PLXNA2: variants seen among roughly 807,000 people sequenced by gnomAD.
PLXNA2 encodes plexin A2.
PLXNA2 carries 91 observed loss-of-function variants against 193.5 expected under a neutral mutation model. That is an observed-to-expected ratio of 0.47 (90% confidence interval 0.40 to 0.56). PLXNA2 has a LOEUF of 0.56. PLXNA2 is among the 20% of genes least tolerant of loss of function. The pLI is 0.00. For missense variants in PLXNA2, 1,995 were observed against 2,503.2 expected (o/e 0.80, Z 4.33); for synonymous variants, 997 against 1,027.3 (o/e 0.97, Z 0.56).
At chr1:208,053,022 C>G (rs1042722617) in intron 14 of PLXNA2, among the ~76,000 whole-genome samples, 1 of 152,184 alleles carries the variant, frequency 6.6e-6, no homozygotes, top group African/African-American at 2.4e-5. Flanking sequence ...AGGAGGATGG[C>G]GCATCACTGG....
chr1:208,222,481 T>C (rs998325512), intron 1 of PLXNA2, among the ~76,000 whole-genome samples: 4 of 152,260 alleles, frequency 2.6e-5, no homozygotes, highest in Middle Eastern at 3.4e-3. Flanking sequence ...CGCTTGCCTC[T>C]TTGGGAAGCA....
chr1:208,060,091 A>AC (rs1236806637), intron 13 of PLXNA2, among the ~76,000 whole-genome samples: 1 of 151,242 alleles, frequency 6.6e-6, no homozygotes, highest in African/African-American at 2.4e-5. Flanking sequence ...CCATCCTCTG[A>AC]CCCCCAGCTT....
intron 26 of PLXNA2, among the ~76,000 whole-genome samples, chr1:208,037,205 T>C (rs530438328): frequency 6.6e-6 from 1 of 151,744 alleles, no homozygotes; most frequent in Non-Finnish European, 1.5e-5. Context: ...CACCAAGGAG[T>C]GGGGAAGCAG....
chr1:208,192,904 G>GAAAA (rs928464634), intron 3 of PLXNA2, among the ~76,000 whole-genome samples: 4 of 23,332 alleles, frequency 1.7e-4, no homozygotes, highest in African/African-American at 5.2e-4. Context: ...AAAAGAAAAA[G>GAAAA]AAAAAAAAAA....
rs1183222212 is a variant in PLXNA2 at position 208,142,468 on chromosome 1, A to G, written c.1372-5T>C. 5.6e-6 allele frequency: 9 copies of G among 1,601,170 alleles called. No individual in the cohort carries two copies. Among genetic ancestry groups the G allele is most frequent in the South Asian group, 2.3e-5 (2 of 88,844 alleles). ...GGGGGGACCGTCGGCCCGAATCTGT[A>G]TGAGAAACAAGGGTGTCCTCAGCAT... On this transcript the variant is annotated splice_region_variant and splice_polypyrimidine_tract_variant and intron_variant, in intron 3 of 31. Coordinates refer to ENST00000367033, the MANE Select transcript of PLXNA2 (RefSeq NM_025179.4).
At chr1:208,137,124 A>T (rs759109542) in intron 4 of PLXNA2, among the ~76,000 whole-genome samples, 38 of 152,128 alleles carry the variant, frequency 2.5e-4, no homozygotes, top group African/African-American at 8.7e-4. Flanking sequence ...CTTGAAGTAG[A>T]GAACAGAATC....
chr1:208,166,166 GA>G (rs1328210812), intron 3 of PLXNA2, among the ~76,000 whole-genome samples: 1 of 152,080 alleles, frequency 6.6e-6, no homozygotes, highest in Non-Finnish European at 1.5e-5. Flanking sequence ...GTGAGATTTT[GA>G]AAAAGGGAAA....
intron 12 of PLXNA2, among the ~76,000 whole-genome samples, chr1:208,068,481 T>C (rs1665868766): frequency 6.6e-6 from 1 of 152,254 alleles, no homozygotes; most frequent in South Asian, 2.1e-4. Flanking sequence ...ACCCCTGGCC[T>C]TTGCTTCTGC....
chr1:208,046,290 TG>T (rs1268647995), intron 17 of PLXNA2, among the ~76,000 whole-genome samples, 173 bp from the exon 18 acceptor site: 1 of 151,620 alleles, frequency 6.6e-6, no homozygotes, highest in East Asian at 1.9e-4. Context: ...TTTGGGGGAG[TG>T]GGGGGCATTT....
intron 6 of PLXNA2, among the ~76,000 whole-genome samples, chr1:208,098,174 G>T (rs897934260): frequency 1.3e-5 from 2 of 152,080 alleles, no homozygotes; most frequent in African/African-American, 2.4e-5. Flanking sequence ...TCCCCTGTTT[G>T]TTTCCTCAGC....
At chr1:208,195,652 G>GTC (rs1491317967) in intron 3 of PLXNA2, among the ~76,000 whole-genome samples, 2 of 106,434 alleles carry the variant, frequency 1.9e-5, no homozygotes, top group African/African-American at 6.0e-5. Context: ...AATGTTTTTT[G>GTC]GGGGGGGGGG....
chr1:208,116,625 T>G (rs192667380), intron 4 of PLXNA2, among the ~76,000 whole-genome samples: 1 of 152,254 alleles, frequency 6.6e-6, no homozygotes, highest in Admixed American at 6.5e-5. Context: ...CAGAAGAACG[T>G]AGCTCAGCCT....
chr1:208,116,287 G>A (rs1379274819), intron 4 of PLXNA2, among the ~76,000 whole-genome samples: 1 of 152,168 alleles, frequency 6.6e-6, no homozygotes, highest in East Asian at 1.9e-4. Context: ...CTCTTCTTAG[G>A]TAGGTAACTT....
chr1:208,071,952 C>T (rs879136493), intron 12 of PLXNA2, among the ~76,000 whole-genome samples: 2 of 152,140 alleles, frequency 1.3e-5, no homozygotes, highest in African/African-American at 4.8e-5. Flanking sequence ...CCCACAGTTT[C>T]CCAAACAGTT....
chr1:208,028,225 G>A lies in PLXNA2; in HGVS notation c.5439-66C>T. On this transcript the variant is annotated intron_variant, in intron 30 of 31. Coordinates refer to ENST00000367033, the MANE Select transcript of PLXNA2 (RefSeq NM_025179.4). This position sits in a 1 kb window ranked among gnomAD's most constrained non-coding sequence, Gnocchi z 4.2. Reference sequence around the variant, plus strand: ...AAACATTTACCTATAGCTACCCCGGGCCCAGGTCCTTCGAGGGCACTGATG... The same window carrying A: ...AAACATTTACCTATAGCTACCCCGGACCCAGGTCCTTCGAGGGCACTGATG... 1 of 1,479,204 alleles carries A rather than the reference G, an allele frequency of 6.8e-7. No homozygotes were observed. Among genetic ancestry groups the A allele is most frequent in the East Asian group, 2.4e-5 (1 of 41,170 alleles). The allele number at this position is 1,479,204 out of a possible 1,614,324, so 91.6% of individuals were successfully genotyped here. A position where few individuals can be genotyped will look rare whatever the true frequency, so the allele number is the denominator to read the frequency against.
chr1:208,242,232 G>A (rs1413218161), intron 1 of PLXNA2, among the ~76,000 whole-genome samples: 1 of 152,152 alleles, frequency 6.6e-6, no homozygotes, highest in Non-Finnish European at 1.5e-5. Flanking sequence ...GAAGAGTGAA[G>A]TTTCAAGATC....
At chr1:208,065,504 G>T (rs534157210) in intron 12 of PLXNA2, among the ~76,000 whole-genome samples, 1 of 152,308 alleles carries the variant, frequency 6.6e-6, no homozygotes, top group South Asian at 2.1e-4. Context: ...TAGAGAGTAG[G>T]TCTTGATAAT....
At position 208,188,074 on chromosome 1, in the gene PLXNA2, C is replaced by T. The variant is rs894621053; in HGVS notation, c.1371+22206G>A. On this transcript the variant is annotated intron_variant, in intron 3 of 31. Transcript: ENST00000367033. ...CTCCACATTGCACCACCACCAGTGA[C>T]GCGCACCTGAATATTTATGAGAATG... Among the ~76,000 whole-genome samples, 5 of 152,278 alleles carry T rather than the reference C, an allele frequency of 3.3e-5. No homozygotes were observed. The South Asian group carries it at 6.2e-4, about 19-fold the overall frequency.
chr1:208,123,202 A>G (rs1410421685), intron 4 of PLXNA2, among the ~76,000 whole-genome samples: 1 of 152,226 alleles, frequency 6.6e-6, no homozygotes, highest in Non-Finnish European at 1.5e-5. Flanking sequence ...AGCTTCTAGC[A>G]TGATGTTTTC....
Sources: gnomAD v4.1 joint callset for allele counts (sites outside exome capture counted in the v4.1 genomes callset) on GRCh38, gnomAD v4.1.1 for gene constraint, Gnocchi (gnomAD v3.1) non-coding constraint, MANE v1.5 for transcripts, NCBI Gene and HGNC (gene_info 2026-07-23, HGNC 2026-07-21) for gene names.